The following PEX26 variants were observed in gnomAD, a reference collection of about 807,000 sequenced individuals.
PEX26 encodes the protein peroxisomal biogenesis factor 26.
A neutral mutation model predicts 31.4 loss-of-function variants in PEX26; 18 were observed. That is an observed-to-expected ratio of 0.57 (90% confidence interval 0.40 to 0.85). PEX26 has a LOEUF of 0.85. Ranked by LOEUF, PEX26 falls within the 40% of genes least tolerant of loss-of-function variation. The pLI, the probability that PEX26 is intolerant of heterozygous loss-of-function variation, is 0.00. For missense variants in PEX26, 377 were observed against 383.9 expected (o/e 0.98, Z 0.15); for synonymous variants, 176 against 166.9 (o/e 1.05, Z -0.42).
chr22:18,083,030 A>G (rs1385871140), intron 2 of PEX26, among the ~76,000 whole-genome samples: 2 of 152,122 alleles, frequency 1.3e-5, no homozygotes. Flanking sequence ...TTTTTTGTAC[A>G]TTGATTTTTG....
Position 18,078,097 on chromosome 22 carries a change from C to T in PEX26, c.-280C>T. Reference sequence around the variant, plus strand: ...GCCCGGAGCTGAGGCAGTTCCTGCACGTGTCGCGGGGCCGGAGAAGCTAGG... The same window carrying T: ...GCCCGGAGCTGAGGCAGTTCCTGCATGTGTCGCGGGGCCGGAGAAGCTAGG... On this transcript the variant is annotated 5_prime_UTR_variant, in exon 1 of 5. In the 5' UTR this introduces an upstream ATG that the reference lacks. Transcript: ENST00000399744. 1 of 606,732 alleles carries T rather than the reference C, an allele frequency of 1.6e-6. No homozygotes were observed. The highest frequency in any genetic ancestry group is 3.1e-6 in the Non-Finnish European group (1 of 324,552). The allele number at this position is 606,732 out of a possible 1,614,324, so 37.6% of individuals were successfully genotyped here.
rs896479081 is a variant in PEX26 at position 18,104,667 on chromosome 22, C to G, written c.*16592C>G. On this transcript the variant is annotated 3_prime_UTR_variant, in exon 5 of 5. Transcript: ENST00000399744. The stretch of plus-strand genomic sequence containing the variant: ...TCTCTGCACAGTCTGTCACTGACTC[C>G]CGCTCCCAGTGCTCACTGCCTCTTG... The G allele has an allele frequency of 6.6e-6, 1 of 152,540 alleles. No individual in the cohort carries two copies. Among genetic ancestry groups the G allele is most frequent in the African/African-American group, 2.4e-5 (1 of 41,408 alleles). The allele number at this position is 152,540 out of a possible 1,614,324, so 9.4% of individuals were successfully genotyped here. A position where few individuals can be genotyped will look rare whatever the true frequency, so the allele number is the denominator to read the frequency against.
chr22:18,087,750 G>C (rs1381236895), intron 4 of PEX26, among the ~76,000 whole-genome samples: 1 of 152,164 alleles, frequency 6.6e-6, no homozygotes, highest in Non-Finnish European at 1.5e-5. Context: ...ACCTGCACCT[G>C]CAGGCTGAGG....
Position 18,088,051 on chromosome 22 carries a change from C to G in PEX26, c.894C>G (p.Leu298=). 1.2e-6 allele frequency: 2 copies of G among 1,612,484 alleles called. No homozygotes were observed. Among genetic ancestry groups the G allele is most frequent in the Non-Finnish European group, 1.7e-6 (2 of 1,179,066 alleles). Residue 298 remains leucine (L), a synonymous_variant, in exon 5 of 5, where the codon CTC becomes CTG. Coordinates refer to ENST00000399744, the MANE Select transcript of PEX26 (RefSeq NM_001127649.3). The surrounding 1 kb of genome is among the most constrained non-coding windows in gnomAD (Gnocchi z 4.1). ...RWIRKAAFSR[L]YQLRIRD Reference sequence around the variant, plus strand: ...TCCGGAAGGCTGCATTTTCTCGCCTCTACCAGCTCCGCATCCGTGACTGAG... The same window carrying G: ...TCCGGAAGGCTGCATTTTCTCGCCTGTACCAGCTCCGCATCCGTGACTGAG...
At chr22:18,081,237 TACACATATAC>T (rs1569186988) in intron 2 of PEX26, among the ~76,000 whole-genome samples, 1 of 66,214 alleles carries the variant, frequency 1.5e-5, no homozygotes, top group African/African-American at 7.1e-5. Context: ...TACATATATG[TACACATATAC>T]ACACACACAC....
In PEX26 at chr22:18,088,157, G is replaced by A. The variant is rs376865905; in HGVS notation, c.*82G>A. ...GCGACAGAGCGACACATCCACAGGC[G>A]CCCCTGGGGAAATGGGACCAGCCTA... On this transcript the variant is annotated 3_prime_UTR_variant, in exon 5 of 5. Transcript: ENST00000399744. This position sits in a 1 kb window ranked among gnomAD's most constrained non-coding sequence, Gnocchi z 4.1. 1.7e-5 allele frequency: 16 copies of A among 953,662 alleles called. No individual in the cohort carries two copies. Among genetic ancestry groups the A allele is most frequent in the South Asian group, 1.0e-4 (8 of 78,208 alleles). 59.1% of individuals were successfully genotyped at this position (953,662 alleles called of 1,614,324 possible).
At position 18,078,525 on chromosome 22, in the gene PEX26, A is replaced by G; in HGVS notation, c.149A>G (p.Asp50Gly). 1 of 1,575,902 alleles carries G rather than the reference A, an allele frequency of 6.3e-7. No homozygotes were observed. Residue 50 changes from aspartate (D) to glycine (G), a missense_variant, in exon 1 of 5, where the codon GAC (aspartate) becomes GGC (glycine). Transcript: ENST00000399744. The part of the protein sequence containing the change: ...EAADLLVVHL[D>G]FRAALETCER... The stretch of plus-strand genomic sequence containing the variant: ...GCCGACCTCCTGGTGGTGCACCTGG[A>G]CTTCCGGGCGGCGCTGGAGACCTGC...
Position 18,093,814 on chromosome 22 carries a change from AG to A in PEX26, c.*5740del, listed in dbSNP as rs1569191961. On this transcript the variant is annotated 3_prime_UTR_variant, in exon 5 of 5. Coordinates refer to ENST00000399744, the MANE Select transcript of PEX26 (RefSeq NM_001127649.3). The stretch of plus-strand genomic sequence containing the variant: ...GCAGCCCATGCACTTGAGAACCTGT[AG>A]AAAATGGCAGTGTGCAACCAGCATG... 3.9e-5 allele frequency: 6 copies of A among 152,366 alleles called. No individual in the cohort carries two copies. Among genetic ancestry groups the A allele is most frequent in the Admixed American group, 3.9e-4 (6 of 15,306 alleles). 9.4% of individuals were successfully genotyped at this position (152,366 alleles called of 1,614,324 possible).
rs1286217134 is a variant in PEX26 at position 18,089,532 on chromosome 22, G to T, written c.*1457G>T. ...GCGTAGAGCACTGCTGTGCTGTCAG[G>T]ATGAAGAAGGGCTTTCTGCAGGGGC... is the stretch of plus-strand genomic sequence containing the variant. On this transcript the variant is annotated 3_prime_UTR_variant, in exon 5 of 5. Transcript: ENST00000399744. 1 of 152,436 alleles carries T rather than the reference G, an allele frequency of 6.6e-6. No individual in the cohort carries two copies. Among genetic ancestry groups the T allele is most frequent in the Non-Finnish European group, 1.5e-5 (1 of 68,222 alleles). 9.4% of individuals were successfully genotyped at this position (152,436 alleles called of 1,614,324 possible). A position where few individuals can be genotyped will look rare whatever the true frequency, so the allele number is the denominator to read the frequency against.
intron 1 of PEX26, among the ~76,000 whole-genome samples, 170 bp from the exon 2 acceptor site, chr22:18,079,704 G>T (rs973310953): frequency 6.6e-6 from 1 of 152,182 alleles, no homozygotes; most frequent in Non-Finnish European, 1.5e-5. Context: ...TAGTTCCTGG[G>T]GGAAAGGGCA....
rs1256569587 is a variant in PEX26, at chr22:18,078,600, C to T, written c.224C>T (p.Ala75Val). 2.5e-6 allele frequency: 4 copies of T among 1,599,102 alleles called. No homozygotes were observed. The highest frequency in any genetic ancestry group is 1.7e-5 in the Admixed American group (1 of 58,758). The change falls in exon 1 of 5, where the codon GCG (alanine) becomes GTG (valine). Residue 75 changes from alanine (A) to valine (V), a missense_variant. Transcript: ENST00000399744. ...LANHAVAEEPAGTSLEVKCSL... is the reference protein window; with the variant it reads ...LANHAVAEEPVGTSLEVKCSL... ...AACCACGCCGTGGCAGAGGAACCCG[C>T]GGGCACGTACGTGCTGGGCTCGGAA... is the stretch of plus-strand genomic sequence containing the variant.
At chr22:18,083,189 G>A (rs111509491) in intron 2 of PEX26, among the ~76,000 whole-genome samples, 2 of 152,126 alleles carry the variant, frequency 1.3e-5, no homozygotes, top group African/African-American at 4.8e-5. Flanking sequence ...GAATAAAAAC[G>A]GTCAAAGTAG....
Position 18,078,154 on chromosome 22 carries a change from A to G in PEX26, c.-223A>G, listed in dbSNP as rs1428853605. ...TATTCCAGGGATGCAAGAATCCTGC[A>G]AATCTGACGTGTAAACTGCTTCCCC... On this transcript the variant is annotated 5_prime_UTR_variant, in exon 1 of 5. Transcript: ENST00000399744. 4 of 690,254 alleles carry G rather than the reference A, an allele frequency of 5.8e-6. No individual in the cohort carries two copies. Among genetic ancestry groups the G allele is most frequent in the Non-Finnish European group, 1.1e-5 (4 of 377,308 alleles). The allele number at this position is 690,254 out of a possible 1,614,324, so 42.8% of individuals were successfully genotyped here. A position where few individuals can be genotyped will look rare whatever the true frequency, so the allele number is the denominator to read the frequency against.
rs1927524383 is a variant in PEX26, at chr22:18,103,572, A to G, written c.*15497A>G. 6.6e-6 allele frequency: 1 copy of G among 152,322 alleles called. No individual in the cohort carries two copies. The highest frequency in any genetic ancestry group is 1.5e-5 in the Non-Finnish European group (1 of 68,104). 9.4% of individuals were successfully genotyped at this position (152,322 alleles called of 1,614,324 possible). A position where few individuals can be genotyped will look rare whatever the true frequency, so the allele number is the denominator to read the frequency against. ...TGTCATCCATGATAATGTGTACTAT[A>G]TATCCAACCACAACATCAAATTCTG... is the stretch of plus-strand genomic sequence containing the variant. On this transcript the variant is annotated 3_prime_UTR_variant, in exon 5 of 5. Transcript: ENST00000399744.
chr22:18,088,088 AC>A lies in PEX26; in HGVS notation c.*15del. The A allele has an allele frequency of 6.5e-7, 1 of 1,540,384 alleles. No homozygotes were observed. The highest frequency in any genetic ancestry group is 9.0e-7 in the Non-Finnish European group (1 of 1,114,824). ...CATCCGTGACTGAGGGTCCCTGCGC[AC>A]CACAGCCTCTCTGCTCCTCACGTCC... On this transcript the variant is annotated 3_prime_UTR_variant, in exon 5 of 5. Transcript: ENST00000399744. The surrounding 1 kb of genome is among the most constrained non-coding windows in gnomAD (Gnocchi z 4.1).
rs1035511948 is a variant in PEX26, at chr22:18,091,861, A to G, written c.*3786A>G. Reference sequence around the variant, plus strand: ...GCAGCAGTGGTCAGAGCTCTTTACTATTACTTTTGGGCAAACGCAAGCCAG... The same window carrying G: ...GCAGCAGTGGTCAGAGCTCTTTACTGTTACTTTTGGGCAAACGCAAGCCAG... On this transcript the variant is annotated 3_prime_UTR_variant, in exon 5 of 5. Coordinates refer to ENST00000399744, the MANE Select transcript of PEX26 (RefSeq NM_001127649.3). The G allele has an allele frequency of 6.6e-6, 1 of 152,208 alleles. No individual in the cohort carries two copies. The highest frequency in any genetic ancestry group is 1.5e-5 in the Non-Finnish European group (1 of 68,096). 9.4% of individuals were successfully genotyped at this position (152,208 alleles called of 1,614,324 possible).
rs1927483697 is a variant in PEX26 at position 18,102,627 on chromosome 22, G to C, written c.*14552G>C. On this transcript the variant is annotated 3_prime_UTR_variant, in exon 5 of 5. Coordinates refer to ENST00000399744, the MANE Select transcript of PEX26 (RefSeq NM_001127649.3). ...ACCAGAACATGTCATCCATGGTAAT[G>C]TCTGCTACATATCCAACCACAGCAT... The C allele has an allele frequency of 1.3e-5, 2 of 152,714 alleles. No individual in the cohort carries two copies. The highest frequency in any genetic ancestry group is 4.1e-4 in the South Asian group (2 of 4,820). 9.5% of individuals were successfully genotyped at this position (152,714 alleles called of 1,614,324 possible).
At chr22:18,080,135 T>C in intron 2 of PEX26, 121 bp downstream of exon 2, 1 of 1,075,350 alleles carries the variant, frequency 9.3e-7, no homozygotes, top group Non-Finnish European at 1.4e-6. Context: ...ATTCTTTCCC[T>C]TCACTTTTTT....
chr22:18,078,869 AT>A, intron 1 of PEX26: 1 of 656,564 alleles, frequency 1.5e-6, no homozygotes, highest in Non-Finnish European at 2.8e-6. Flanking sequence ...GGAAGGCTGA[AT>A]GTGTATTAAG....
Sources: allele counts gnomAD v4.1 joint callset (sites outside exome capture counted in the v4.1 genomes callset), GRCh38; gene constraint gnomAD v4.1.1; non-coding constraint Gnocchi (gnomAD v3.1); transcripts MANE v1.5; gene names NCBI Gene and HGNC (gene_info 2026-07-23, HGNC 2026-07-21).